PZP: variants seen among roughly 807,000 people sequenced by gnomAD.
The protein encoded by PZP is pregnancy zone protein.
Under a neutral mutation model 179.8 loss-of-function variants are expected in PZP, and 150 were observed. The ratio of observed to expected loss-of-function variants is 0.83; its 90% CI spans 0.73 to 0.96. PZP has a LOEUF of 0.96. Ranked by LOEUF, PZP falls within the 40% of genes least tolerant of loss-of-function variation. The pLI is 0.00. For missense variants in PZP, 1,689 were observed against 1,764.0 expected (o/e 0.96, Z 0.76); for synonymous variants, 624 against 652.3 (o/e 0.96, Z 0.66).
At chr12:9,187,033 G>A (rs1463667305) in intron 13 of PZP, among the ~76,000 whole-genome samples, 2 of 142,952 alleles carry the variant, frequency 1.4e-5, no homozygotes, top group Non-Finnish European at 3.0e-5. Flanking sequence ...AGCAGGGGTT[G>A]CAATACTAAT....
At chr12:9,159,501 G>A (rs1565627966) in intron 25 of PZP, among the ~76,000 whole-genome samples, 1 of 151,920 alleles carries the variant, frequency 6.6e-6, no homozygotes, top group Non-Finnish European at 1.5e-5. Flanking sequence ...CCTTTAAGAG[G>A]TGATTGGCTC....
chr12:9,195,404 T>TTTCCCC (rs1285528707), intron 10 of PZP, among the ~76,000 whole-genome samples: 1 of 150,174 alleles, frequency 6.7e-6, no homozygotes, highest in African/African-American at 2.4e-5. Context: ...GGCCCTTCCC[T>TTTCCCC]TTCCCCTTCC....
intron 32 of PZP, 128 bp downstream of exon 32, chr12:9,152,092 C>T: frequency 1.3e-6 from 1 of 741,960 alleles, no homozygotes; most frequent in Non-Finnish European, 2.3e-6. Context: ...CATTTACTTC[C>T]TGGGTTTGGG....
rs73246383 is a variant in PZP, at chr12:9,153,390, A to G, written c.3775-47T>C. The G allele has an allele frequency of 3.1e-3, 4,722 of 1,527,228 alleles. 129 individuals carry two copies. The African/African-American group carries it at 0.057, about 19-fold the overall frequency. 94.6% of individuals were successfully genotyped at this position (1,527,228 alleles called of 1,614,324 possible). ...CCGCCCCAAAGAGTAAATTTTTGGC[A>G]TCTGGGATTTTCCCCCAAAGTCTGT... On this transcript the variant is annotated intron_variant, in intron 29 of 35. Transcript: ENST00000261336.
At chr12:9,177,532 G>A (rs780199362) in intron 15 of PZP, among the ~76,000 whole-genome samples, 7 of 152,302 alleles carry the variant, frequency 4.6e-5, no homozygotes, top group African/African-American at 1.7e-4. Flanking sequence ...AAGCCACTAG[G>A]TTTTGAAGAA....
At chr12:9,164,359 A>T in intron 19 of PZP, 100 bp from the exon 20 acceptor site, 2 of 1,316,112 alleles carry the variant, frequency 1.5e-6, no homozygotes, top group Non-Finnish European at 2.1e-6. Context: ...GTAAATTGGG[A>T]TTTGTAAGAA....
intron 27 of PZP, 48 bp downstream of exon 27, chr12:9,157,719 C>G (rs756866483): frequency 6.4e-7 from 1 of 1,551,758 alleles, no homozygotes; most frequent in South Asian, 1.1e-5. Context: ...TTCCAGACAG[C>G]AAATCTACAG....
At chr12:9,187,204 A>G (rs1943183213) in intron 13 of PZP, among the ~76,000 whole-genome samples, 1 of 152,132 alleles carries the variant, frequency 6.6e-6, no homozygotes, top group Non-Finnish European at 1.5e-5. Context: ...ACAAGTGCTT[A>G]GAGACCTTCA....
chr12:9,147,839 T>C (rs780260467), downstream of PZP, among the ~76,000 whole-genome samples: 8 of 152,328 alleles, frequency 5.3e-5, no homozygotes, highest in South Asian at 8.3e-4. Flanking sequence ...CTTCTCCAAA[T>C]GTTGCCTTTA....
At position 9,163,676 on chromosome 12, in the gene PZP, A is replaced by G. The variant is rs771364328; in HGVS notation, c.2728T>C (p.Leu910=). ...KRKDTVIKTL[L]VEAEGIEQEK... is the part of the protein sequence containing the mutation. ...TCCCAAAAATATGTTACCTCCACCAACAGGGTTTTGATGACTGTGTCTTTT... is the reference window on the plus strand; with the variant it reads ...TCCCAAAAATATGTTACCTCCACCAGCAGGGTTTTGATGACTGTGTCTTTT... The change falls in exon 21 of 36, where the codon TTG becomes CTG. Residue 910 remains leucine, a synonymous_variant. Transcript: ENST00000261336. The G allele has an allele frequency of 6.2e-7, 1 of 1,613,578 alleles. No individual in the cohort carries two copies. The highest frequency in any genetic ancestry group is 1.7e-5 in the Admixed American group (1 of 59,954).
intron 13 of PZP, among the ~76,000 whole-genome samples, chr12:9,191,179 A>C (rs1259031686): frequency 6.6e-6 from 1 of 152,146 alleles, no homozygotes; most frequent in Non-Finnish European, 1.5e-5. Context: ...TATGAATAAA[A>C]TTCAAATTGG....
At chr12:9,184,268 C>G (rs1340770087) in intron 13 of PZP, among the ~76,000 whole-genome samples, 1 of 152,202 alleles carries the variant, frequency 6.6e-6, no homozygotes, top group African/African-American at 2.4e-5. Context: ...CCTGCCAGCA[C>G]CCTGCCCCTG....
chr12:9,140,168 G>A, the PZP span, among the ~76,000 whole-genome samples: 5 of 152,322 alleles, frequency 3.3e-5, no homozygotes, highest in African/African-American at 1.2e-4. Flanking sequence ...CAGTTTTTGG[G>A]TAGTTGTCTG....
Position 9,168,860 on chromosome 12 carries a change from C to T in PZP, c.2107+9G>A. 1 of 1,589,332 alleles carries T rather than the reference C, an allele frequency of 6.3e-7. No individual in the cohort carries two copies. The highest frequency in any genetic ancestry group is 8.6e-7 in the Non-Finnish European group (1 of 1,159,420). ...ATGAAATAAAATTAAAAGCAAATTGCTGTTTTACCTCCATAGTATCCTTGA... is the reference window on the plus strand; with the variant it reads ...ATGAAATAAAATTAAAAGCAAATTGTTGTTTTACCTCCATAGTATCCTTGA... On this transcript the variant is annotated intron_variant, in intron 17 of 35. Coordinates refer to ENST00000261336, the MANE Select transcript of PZP (RefSeq NM_002864.3).
At position 9,208,378 on chromosome 12, in the gene PZP, T is replaced by C. The variant is rs1444150860; in HGVS notation, c.-37A>G. The C allele has an allele frequency of 6.4e-7, 1 of 1,562,004 alleles. No homozygotes were observed. The highest frequency in any genetic ancestry group is 8.8e-7 in the Non-Finnish European group (1 of 1,134,158). On this transcript the variant is annotated 5_prime_UTR_variant, in exon 1 of 36. Transcript: ENST00000261336. ...AATCTCAGGGTTGTGTCCAACTCTC[T>C]GCCCTCAGCCTCGCCCTGGAGACCA... is the stretch of plus-strand genomic sequence containing the variant.
At chr12:9,145,592 T>C (rs933731203), downstream of PZP, among the ~76,000 whole-genome samples, 2 of 152,250 alleles carry the variant, frequency 1.3e-5, no homozygotes, top group African/African-American at 4.8e-5. Context: ...AGCATTACAG[T>C]AATACAGTAT....
At position 9,160,439 on chromosome 12, in the gene PZP, G is replaced by A; in HGVS notation, c.2924C>T (p.Pro975Leu). 6.2e-7 allele frequency: 1 copy of A among 1,613,918 alleles called. No homozygotes were observed. Residue 975 changes from proline to leucine, a missense_variant, in exon 24 of 36, where the codon CCA (proline) becomes CTA (leucine). Pro to Leu is a moderately conservative substitution (Grantham distance 98). This residue lies in a region of PZP where 746 missense variants were observed against 749.2 expected (regional missense o/e 1.00). Transcript: ENST00000261336. ...MQNIQNLLQM[P>L]YGCGEQNMVL... ...CATGTTCTGTTCTCCACAGCCATATGGCATCTGGAGGAGATTTTGTATATT... is the reference window on the plus strand; with the variant it reads ...CATGTTCTGTTCTCCACAGCCATATAGCATCTGGAGGAGATTTTGTATATT...
chr12:9,191,001 T>C (rs1943429533), intron 13 of PZP, among the ~76,000 whole-genome samples: 3 of 152,140 alleles, frequency 2.0e-5, no homozygotes, highest in Admixed American at 2.0e-4. Context: ...GTGGTTAAAA[T>C]TGTTTTATGA....
At chr12:9,201,878 TAA>T (rs1944179476) in intron 4 of PZP, among the ~76,000 whole-genome samples, 1 of 152,054 alleles carries the variant, frequency 6.6e-6, no homozygotes, top group African/African-American at 2.4e-5. Flanking sequence ...TCAATTAGCA[TAA>T]AAAAGTCTTT....
Sources: allele counts gnomAD v4.1 joint callset (sites outside exome capture counted in the v4.1 genomes callset), GRCh38; gene constraint gnomAD v4.1.1; regional missense constraint gnomAD v4.1.1; transcripts MANE v1.5; gene names NCBI Gene and HGNC (gene_info 2026-07-23, HGNC 2026-07-21).